Variants in TEX36 observed in about 807,000 individuals in gnomAD.
TEX36 encodes the protein testis expressed 36, also known as testis-expressed protein 36.
Under a neutral mutation model 13.6 loss-of-function variants are expected in TEX36, and 12 were observed. That is an observed-to-expected ratio of 0.88 (90% CI 0.56 to 1.43). The LOEUF is 1.43. Among genes scored for constraint, TEX36 ranks in the 40% most tolerant of loss-of-function variants. TEX36 has a pLI of 0.00. For missense variants in TEX36, 224 were observed against 228.3 expected (o/e 0.98, Z 0.12); for synonymous variants, 93 against 83.0 (o/e 1.12, Z -0.65).
chr10:125,590,987 G>A (rs1028407683), intron 3 of TEX36, among the ~76,000 whole-genome samples: 6 of 152,136 alleles, frequency 3.9e-5, no homozygotes, highest in Non-Finnish European at 7.4e-5. Flanking sequence ...CCCACATGTG[G>A]CCCAAAGGTG....
At chr10:125,623,869 G>A (rs187696957) in intron 3 of TEX36, among the ~76,000 whole-genome samples, 2 of 152,280 alleles carry the variant, frequency 1.3e-5, no homozygotes, top group East Asian at 1.9e-4. Flanking sequence ...ATAATCAGTC[G>A]CCTCTTTGTT....
At position 125,667,391 on chromosome 10, in the gene TEX36, G is replaced by A. The variant is rs768746494; in HGVS notation, c.52-5414C>T. 50 of 653,954 alleles carry A rather than the reference G, an allele frequency of 7.6e-5. 1 individual carries two copies. The highest frequency in any genetic ancestry group is 2.0e-4 in the East Asian group (6 of 29,734). The allele number at this position is 653,954 out of a possible 1,614,324, so 40.5% of individuals were successfully genotyped here. A position where few individuals can be genotyped will look rare whatever the true frequency, so the allele number is the denominator to read the frequency against. ...CCCATTAGGGGGGATCTCAGGCTCC[G>A]CAATGGGCACAATGCCACTCTGCTA... On this transcript the variant is annotated intron_variant, in intron 1 of 3. Coordinates refer to ENST00000368821, the MANE Select transcript of TEX36 (RefSeq NM_001128202.3).
At chr10:125,587,993 G>A (rs55783015) in intron 3 of TEX36, among the ~76,000 whole-genome samples, 2,514 of 152,124 alleles carry the variant, frequency 0.017, 22 homozygotes, top group Non-Finnish European at 0.026. Flanking sequence ...TTCTCCATCT[G>A]GTGTGGATAC....
intron 3 of TEX36, among the ~76,000 whole-genome samples, chr10:125,627,529 A>G (rs1846502749): frequency 6.6e-6 from 1 of 152,186 alleles, no homozygotes; most frequent in East Asian, 1.9e-4. Context: ...TTAAAACGTC[A>G]TTTTCTATTT....
intron 3 of TEX36, among the ~76,000 whole-genome samples, chr10:125,605,755 A>G (rs1391532078): frequency 6.6e-6 from 1 of 151,958 alleles, no homozygotes; most frequent in Admixed American, 6.6e-5. Flanking sequence ...GTGCCCACCA[A>G]CACACCTGGC....
In TEX36 at chr10:125,667,908, CCTT is replaced by C. The variant is rs1395520470; in HGVS notation, c.52-5934_52-5932del. 23 of 1,395,124 alleles carry C rather than the reference CCTT, an allele frequency of 1.6e-5. No homozygotes were observed. The Admixed American group carries it at 2.5e-4, about 15-fold the overall frequency. The allele number at this position is 1,395,124 out of a possible 1,614,324, so 86.4% of individuals were successfully genotyped here. On this transcript the variant is annotated intron_variant, in intron 1 of 3. Coordinates refer to ENST00000368821, the MANE Select transcript of TEX36 (RefSeq NM_001128202.3). The stretch of plus-strand genomic sequence containing the variant: ...ATGCGGTGAGCGATGTCAGACAGCT[CCTT>C]CTTCTGCTCCAGGGTCAATGCTGGA...
At chr10:125,613,217 CTTTTT>C (rs71029263) in intron 3 of TEX36, among the ~76,000 whole-genome samples, 1 of 116,804 alleles carries the variant, frequency 8.6e-6, no homozygotes, top group Non-Finnish European at 1.8e-5. Context: ...TCCCCACTTC[CTTTTT>C]TTTTTTTTTT....
intron 3 of TEX36, 63 bp from the exon 4 acceptor site, chr10:125,656,259 T>A: frequency 7.4e-7 from 1 of 1,344,522 alleles, no homozygotes; most frequent in Non-Finnish European, 9.6e-7. Flanking sequence ...CTTTTTTTTT[T>A]TTTTTTTTTT....
intron 1 of TEX36, chr10:125,667,004 A>G: frequency 6.9e-7 from 1 of 1,438,940 alleles, no homozygotes; most frequent in Non-Finnish European, 9.4e-7. Flanking sequence ...GGCAGCCTTC[A>G]GGTTCTCCTT....
At chr10:125,644,727 C>T (rs1846741596) in intron 3 of TEX36, among the ~76,000 whole-genome samples, 1 of 152,170 alleles carries the variant, frequency 6.6e-6, no homozygotes. Flanking sequence ...GAATATGATG[C>T]TGTGTCAATC....
intron 3 of TEX36, among the ~76,000 whole-genome samples, chr10:125,625,094 G>C (rs978362424): frequency 6.6e-6 from 1 of 152,192 alleles, no homozygotes; most frequent in Non-Finnish European, 1.5e-5. Flanking sequence ...GCTGACTCTT[G>C]CACCTCCCCA....
At chr10:125,676,534 A>G (rs749883010) in intron 1 of TEX36, among the ~76,000 whole-genome samples, 1 of 151,854 alleles carries the variant, frequency 6.6e-6, no homozygotes, top group Non-Finnish European at 1.5e-5. Context: ...TGTAAGCAGC[A>G]TATAGTTGGA....
chr10:125,612,334 T>A (rs1846300136), intron 3 of TEX36, among the ~76,000 whole-genome samples: 1 of 151,286 alleles, frequency 6.6e-6, no homozygotes, highest in South Asian at 2.1e-4. Flanking sequence ...TCCACCCACC[T>A]TGGCCTCCCA....
At chr10:125,599,446 T>C (rs544490925) in intron 3 of TEX36, among the ~76,000 whole-genome samples, 2 of 152,154 alleles carry the variant, frequency 1.3e-5, no homozygotes, top group Admixed American at 1.3e-4. Flanking sequence ...GTTCATTCCT[T>C]TCATTTTCCA....
At chr10:125,603,459 C>T (rs563114672) in intron 3 of TEX36, among the ~76,000 whole-genome samples, 8 of 152,120 alleles carry the variant, frequency 5.3e-5, no homozygotes, top group South Asian at 2.1e-4. Flanking sequence ...TCCTTGCCCC[C>T]GCCACCCAGT....
chr10:125,593,365 CT>C (rs1846045732), intron 3 of TEX36, among the ~76,000 whole-genome samples: 2 of 152,228 alleles, frequency 1.3e-5, no homozygotes, highest in African/African-American at 4.8e-5. Flanking sequence ...AGTTGCCATA[CT>C]CTAGAAAGAA....
intron 1 of TEX36, among the ~76,000 whole-genome samples, chr10:125,674,068 G>A (rs1235550977): frequency 6.6e-6 from 1 of 152,114 alleles, no homozygotes; most frequent in Non-Finnish European, 1.5e-5. Flanking sequence ...TCAGTCATAG[G>A]TTTGGTCTTA....
At chr10:125,659,971 A>G (rs553684269) in intron 3 of TEX36, among the ~76,000 whole-genome samples, 1 of 152,312 alleles carries the variant, frequency 6.6e-6, no homozygotes, top group African/African-American at 2.4e-5. Context: ...GGCACTTGAT[A>G]TGTGAGTTGT....
At chr10:125,678,666 G>A (rs376385544) in intron 1 of TEX36, among the ~76,000 whole-genome samples, 2 of 152,120 alleles carry the variant, frequency 1.3e-5, no homozygotes, top group East Asian at 1.9e-4. Context: ...CAGTGGTTGC[G>A]ATGGGCTGGG....
Sources: gnomAD v4.1 joint callset for allele counts (sites outside exome capture counted in the v4.1 genomes callset) on GRCh38, gnomAD v4.1.1 for gene constraint, MANE v1.5 for transcripts, NCBI Gene and HGNC (gene_info 2026-07-23, HGNC 2026-07-21) for gene names.